TPSG1: variants seen among roughly 807,000 people sequenced by gnomAD.
TPSG1 encodes the protein tryptase gamma 1.
TPSG1 carries 43 observed loss-of-function variants against 23.8 expected under a neutral mutation model. The observed-to-expected ratio is 1.81, with a 90% CI of 1.42 to 2.33. The LOEUF (loss-of-function observed/expected upper bound fraction) is 2.33. Ranked by LOEUF, TPSG1 falls within the 30% of genes most tolerant of loss-of-function variation. The pLI, the probability that TPSG1 is intolerant of heterozygous loss-of-function variation, is 0.00. For missense variants in TPSG1, 623 were observed against 438.6 expected (o/e 1.42, Z -3.75); for synonymous variants, 302 against 201.3 (o/e 1.50, Z -4.23).
chr16:1,222,379 C>A, intron 4 of TPSG1, 38 bp from the exon 5 acceptor site: 1 of 1,544,004 alleles, frequency 6.5e-7, no homozygotes. Context: ...AAGGTTGGGG[C>A]ACCAGGCCCT....
intron 2 of TPSG1, chr16:1,223,992 T>A: frequency 8.7e-6 from 2 of 229,922 alleles, no homozygotes; most frequent in Non-Finnish European, 1.6e-5. Context: ...CGAAGCTGGA[T>A]AAAATTCGGG....
intron 2 of TPSG1, 182 bp from the exon 3 acceptor site, chr16:1,223,776 G>A (rs1450222878): frequency 2.9e-6 from 2 of 686,644 alleles, no homozygotes; most frequent in Non-Finnish European, 4.6e-6. Context: ...CTCAGGAGCA[G>A]TGAGCGCGCC....
Position 1,222,664 on chromosome 16 carries a change from T to G in TPSG1, c.499A>C (p.Thr167Pro), listed in dbSNP as rs185867457. The change falls in exon 4 of 6, where the codon ACG (threonine) becomes CCG (proline). Residue 167 changes from threonine to proline, a missense_variant. Coordinates refer to ENST00000234798, the MANE Select transcript of TPSG1 (RefSeq NM_012467.4). ...IRCWVTGWGY[T>P]REGEPLPPPY... is the part of the protein sequence containing the mutation. ...GGGGGCTCCTCACCTCCCTCCCGCG[T>G]ATAGCCCCAGCCGGTCACCCAGCAC... 1 of 1,563,460 alleles carries G rather than the reference T, an allele frequency of 6.4e-7. No individual in the cohort carries two copies. Among genetic ancestry groups the G allele is most frequent in the African/African-American group, 1.3e-5 (1 of 74,112 alleles).
In TPSG1 at chr16:1,225,210, G is replaced by A. The variant is rs763797707; in HGVS notation, c.43C>T (p.Pro15Ser). Residue 15 changes from proline (P) to serine (S), a missense_variant, in exon 1 of 6, where the codon CCC becomes TCC. By Grantham distance (74) the Pro-to-Ser change is moderately conservative (BLOSUM62 -1). Coordinates refer to ENST00000234798, the MANE Select transcript of TPSG1 (RefSeq NM_012467.4). Reference protein sequence around the residue: ...ACGLLLLLAVPGVSLRTLQPG... With the variant: ...ACGLLLLLAVSGVSLRTLQPG... ...ACACCCAGGCCAGGTCACCCACCGG[G>A]CACAGCCAGGAGCAGCAGGAGGCCA... 2 of 1,577,292 alleles carry A rather than the reference G, an allele frequency of 1.3e-6. No homozygotes were observed. The highest frequency in any genetic ancestry group is 1.2e-5 in the South Asian group (1 of 85,860).
At position 1,222,004 on chromosome 16, in the gene TPSG1, G is replaced by T. The variant is rs1478790049; in HGVS notation, c.750C>A (p.Asn250Lys). 1 of 1,612,440 alleles carries T rather than the reference G, an allele frequency of 6.2e-7. No homozygotes were observed. Among genetic ancestry groups the T allele is most frequent in the Admixed American group, 1.7e-5 (1 of 59,988 alleles). ...GGACACGAGTGTAGACTCCCGGCCT[G>T]TTGGGGCGGCCGCAGCCCTCACCCC... ...VSWGEGCGRP[N>K]RPGVYTRVPA... Residue 250 changes from asparagine (N) to lysine (K), a missense_variant, in exon 6 of 6, where the codon AAC (asparagine) becomes AAA (lysine). By Grantham distance (94) the Asn-to-Lys change is moderately conservative (BLOSUM62 0). Transcript: ENST00000234798.
At position 1,224,770 on chromosome 16, in the gene TPSG1, G is replaced by A. The variant is rs933894429; in HGVS notation, c.47-142C>T. On this transcript the variant is annotated intron_variant, in intron 1 of 5. Coordinates refer to ENST00000234798, the MANE Select transcript of TPSG1 (RefSeq NM_012467.4). ...AGAGGGGCCCGGCCTGGTGAGGCTG[G>A]GTCAACTGCTGTCTCACTGGCCCAG... The A allele has an allele frequency of 8.0e-6, 8 of 999,190 alleles. No homozygotes were observed. In the African/African-American group the frequency reaches 1.1e-4, roughly 14 times the overall value. 61.9% of individuals were successfully genotyped at this position (999,190 alleles called of 1,614,324 possible). A position where few individuals can be genotyped will look rare whatever the true frequency, so the allele number is the denominator to read the frequency against.
At position 1,221,983 on chromosome 16, in the gene TPSG1, A is replaced by G. The variant is rs1970513723; in HGVS notation, c.771T>C (p.Arg257=). The stretch of plus-strand genomic sequence containing the variant: ...GGATCCAGTTCACGTAGGCAGGGAC[A>G]CGAGTGTAGACTCCCGGCCTGTTGG... The part of the protein sequence containing the change: ...GRPNRPGVYT[R]VPAYVNWIRR... The change falls in exon 6 of 6, where the codon CGT becomes CGC. Residue 257 remains arginine, a synonymous_variant. Coordinates refer to ENST00000234798, the MANE Select transcript of TPSG1 (RefSeq NM_012467.4). The G allele has an allele frequency of 6.2e-7, 1 of 1,612,590 alleles. No homozygotes were observed. The highest frequency in any genetic ancestry group is 8.5e-7 in the Non-Finnish European group (1 of 1,179,872).
In TPSG1 at chr16:1,223,456, TG is replaced by T; in HGVS notation, c.211del (p.Gln71SerfsTer14). 6.3e-7 allele frequency: 1 copy of T among 1,588,034 alleles called. No homozygotes were observed. ...GCAGTGGGCAGCTGTGAGCACCCAC[TG>T]GGGGCTGAGCAGTGACCCGCCGCAC... Reference protein sequence around the residue: ...HVCGGSLLSPQWVLTAAHCFS... With the variant: ...HVCGGSLLSPXWVLTAAHCFS... On this transcript the variant is annotated frameshift_variant, in exon 3 of 6. Transcript: ENST00000234798. LOFTEE classifies it high-confidence loss of function.
In TPSG1 at chr16:1,222,343, T is replaced by C; in HGVS notation, c.512-2A>G. ...GGCTGTACGGGGGTGGCAGAGGCTC[T>C]GGGGTGGGGGGAACAGGCTTCAGAG... On this transcript the variant is annotated splice_acceptor_variant, in intron 4 of 5. Coordinates refer to ENST00000234798, the MANE Select transcript of TPSG1 (RefSeq NM_012467.4). LOFTEE classifies it high-confidence loss of function. 6.3e-7 allele frequency: 1 copy of C among 1,575,754 alleles called. No individual in the cohort carries two copies. Among genetic ancestry groups the C allele is most frequent in the Non-Finnish European group, 8.6e-7 (1 of 1,159,110 alleles).
chr16:1,223,646 C>A (rs372632860), intron 2 of TPSG1, 52 bp from the exon 3 acceptor site: 1 of 1,512,336 alleles, frequency 6.6e-7, no homozygotes, highest in Non-Finnish European at 8.8e-7. Context: ...AAACCCACTG[C>A]ACTTCCTCCA....
chr16:1,224,503 G>A lies in TPSG1; in HGVS notation c.73+99C>T, dbSNP rs1252948642. The A allele has an allele frequency of 2.0e-6, 3 of 1,502,410 alleles. 1 individual carries two copies. The South Asian group carries it at 3.5e-5, about 18-fold the overall frequency. 93.1% of individuals were successfully genotyped at this position (1,502,410 alleles called of 1,614,324 possible). On this transcript the variant is annotated intron_variant, in intron 2 of 5. Transcript: ENST00000234798. ...CGGCGACAAACTATGACCTCCCCGG[G>A]CCCCCATTGGGACCCCAGGGAAGGA...
chr16:1,222,910 T>G lies in TPSG1; in HGVS notation c.253A>C (p.Asn85His), dbSNP rs745673246. The G allele has an allele frequency of 1.9e-6, 3 of 1,598,522 alleles. No homozygotes were observed. Among genetic ancestry groups the G allele is most frequent in the Non-Finnish European group, 1.7e-6 (2 of 1,170,612 alleles). The change falls in exon 4 of 6, where the codon AAC becomes CAC. Residue 85 changes from asparagine to histidine, a missense_variant. By Grantham distance (68) the Asn-to-His change is moderately conservative. Transcript: ENST00000234798. ...AGGTGCACCTGGTAGTCGGATGAGTTCAGGGACCTGGGAGGGAAGGTGGCT... is the reference window on the plus strand; with the variant it reads ...AGGTGCACCTGGTAGTCGGATGAGTGCAGGGACCTGGGAGGGAAGGTGGCT... ...TAAHCFSGSL[N>H]SSDYQVHLGE...
In TPSG1 at chr16:1,224,642, G is replaced by T. The variant is rs76027825; in HGVS notation, c.47-14C>A. ...TGAGGGACACACCTGTGGGAAAGAC[G>T]AAGGGCCCAGGATGGAGGGGGCTGC... On this transcript the variant is annotated splice_polypyrimidine_tract_variant and intron_variant, in intron 1 of 5. Coordinates refer to ENST00000234798, the MANE Select transcript of TPSG1 (RefSeq NM_012467.4). 1 of 1,613,572 alleles carries T rather than the reference G, an allele frequency of 6.2e-7. No homozygotes were observed. Among genetic ancestry groups the T allele is most frequent in the Non-Finnish European group, 8.5e-7 (1 of 1,179,838 alleles).
intron 4 of TPSG1, 80 bp from the exon 5 acceptor site, chr16:1,222,421 C>A: frequency 2.2e-6 from 3 of 1,350,558 alleles, no homozygotes. Context: ...TTGCCAGACA[C>A]AAGTCCCATG....
In TPSG1 at chr16:1,223,326, C is replaced by T. The variant is rs139856058; in HGVS notation, c.245+97G>A. The T allele has an allele frequency of 1.2e-4, 163 of 1,397,006 alleles. 1 individual carries two copies. In the African/African-American group the frequency reaches 2.3e-3, roughly 19 times the overall value. The allele number at this position is 1,397,006 out of a possible 1,614,324, so 86.5% of individuals were successfully genotyped here. A position where few individuals can be genotyped will look rare whatever the true frequency, so the allele number is the denominator to read the frequency against. On this transcript the variant is annotated intron_variant, in intron 3 of 5. Coordinates refer to ENST00000234798, the MANE Select transcript of TPSG1 (RefSeq NM_012467.4). ...GGAAGTAGGCTCAGAGTTCCCAAGC[C>T]TCGGAGTGAGTCAAGACCAAGTGGA... is the stretch of plus-strand genomic sequence containing the variant.
intron 1 of TPSG1, 147 bp downstream of exon 1, chr16:1,225,060 A>T (rs1236201385): frequency 2.4e-6 from 2 of 844,056 alleles, no homozygotes; most frequent in Non-Finnish European, 3.7e-6. Flanking sequence ...CCAGGGGTGC[A>T]GTCTCTTCAG....
chr16:1,224,790 G>T (rs896895415), intron 1 of TPSG1, 162 bp from the exon 2 acceptor site: 3 of 836,140 alleles, frequency 3.6e-6, no homozygotes, highest in African/African-American at 1.7e-5. Flanking sequence ...TGTCTCACTG[G>T]CCCAGGGCTG....
chr16:1,221,853 C>T lies in TPSG1; in HGVS notation c.901G>A (p.Val301Ile), dbSNP rs1454710087. 6.2e-7 allele frequency: 1 copy of T among 1,611,834 alleles called. No homozygotes were observed. Among genetic ancestry groups the T allele is most frequent in the African/African-American group, 1.3e-5 (1 of 74,926 alleles). ...TGCAGCAGGCACTTGGCCAGCAGGA[C>T]ACAGGAGACTAGCAGAAGGAAGAGG... is the stretch of plus-strand genomic sequence containing the variant. ...PGLFLLLVSC[V>I]LLAKCLLHPS... Residue 301 changes from valine (V) to isoleucine (I), a missense_variant, in exon 6 of 6, where the codon GTC becomes ATC. Coordinates refer to ENST00000234798, the MANE Select transcript of TPSG1 (RefSeq NM_012467.4).
At chr16:1,224,790 G>A (rs896895415) in intron 1 of TPSG1, 162 bp from the exon 2 acceptor site, 1 of 836,252 alleles carries the variant, frequency 1.2e-6, no homozygotes, top group Non-Finnish European at 1.9e-6. Flanking sequence ...TGTCTCACTG[G>A]CCCAGGGCTG....
Sources: allele counts gnomAD v4.1 joint callset, GRCh38; gene constraint gnomAD v4.1.1; transcripts MANE v1.5; gene names NCBI Gene and HGNC (gene_info 2026-07-23, HGNC 2026-07-21).